Variants in FRYL observed in about 807,000 individuals in gnomAD.
FRYL encodes FRY like transcription coactivator, also known as protein furry homolog-like.
A neutral mutation model predicts 351.2 loss-of-function variants in FRYL; 150 were observed. The ratio of observed to expected loss-of-function variants is 0.43; its 90% CI spans 0.37 to 0.49. The LOEUF is 0.49. FRYL is among the 20% of genes least tolerant of loss of function. FRYL has a pLI of 0.00. For missense variants in FRYL, 3,036 were observed against 3,619.3 expected (o/e 0.84, Z 4.13); for synonymous variants, 1,153 against 1,257.1 (o/e 0.92, Z 1.75).
intron 1 of FRYL, among the ~76,000 whole-genome samples, chr4:48,754,669 T>TTG (rs1773592710): frequency 1.2e-3 from 1 of 810 alleles, no homozygotes; most frequent in African/African-American, 2.3e-3. Context: ...TTTTTTGGGG[T>TTG]TTTTTTTTTT....
Position 48,567,570 on chromosome 4 carries a change from G to A in FRYL, c.2997-150C>T. 1 of 573,302 alleles carries A rather than the reference G, an allele frequency of 1.7e-6. No homozygotes were observed. Among genetic ancestry groups the A allele is most frequent in the Non-Finnish European group, 2.9e-6 (1 of 343,960 alleles). The allele number at this position is 573,302 out of a possible 1,614,324, so 35.5% of individuals were successfully genotyped here. On this transcript the variant is annotated intron_variant, in intron 27 of 63. Coordinates refer to ENST00000358350, the MANE Select transcript of FRYL (RefSeq NM_015030.2). This position sits in a 1 kb window ranked among gnomAD's most constrained non-coding sequence, Gnocchi z 4.2. ...TAATATATGAAAATTAAATGAATAT[G>A]ATTTTGCTTACTTTAATATGAAAAT... is the stretch of plus-strand genomic sequence containing the variant.
At chr4:48,669,895 C>T (rs1437914376) in intron 3 of FRYL, among the ~76,000 whole-genome samples, 1 of 151,556 alleles carries the variant, frequency 6.6e-6, no homozygotes, top group Non-Finnish European at 1.5e-5. Context: ...AAAAAGACAG[C>T]TTTTAAAATA....
intron 1 of FRYL, among the ~76,000 whole-genome samples, chr4:48,772,051 ATTG>A (rs756676199): frequency 4.6e-5 from 7 of 152,202 alleles, no homozygotes; most frequent in Admixed American, 3.3e-4. Context: ...TTGCAAATAA[ATTG>A]TTGTGAGTTC....
intron 19 of FRYL, among the ~76,000 whole-genome samples, chr4:48,583,921 A>G (rs1375885860): frequency 6.6e-6 from 1 of 152,096 alleles, no homozygotes; most frequent in Non-Finnish European, 1.5e-5. Flanking sequence ...AAAAGAAAAA[A>G]AAAAATGTGT....
chr4:48,600,900 A>T (rs796306222), intron 13 of FRYL, among the ~76,000 whole-genome samples: 44 of 152,336 alleles, frequency 2.9e-4, no homozygotes, highest in African/African-American at 1.0e-3. Flanking sequence ...TAAATAGTCA[A>T]ATAAGGCATA....
chr4:48,564,903 A>G (rs376028033), intron 30 of FRYL, 30 bp downstream of exon 30: 11 of 1,209,366 alleles, frequency 9.1e-6, no homozygotes, highest in Non-Finnish European at 1.3e-5. Flanking sequence ...ACAACTTATT[A>G]TGAACCTTTA....
At position 48,540,963 on chromosome 4, in the gene FRYL, T is replaced by TA. The variant is rs756584625; in HGVS notation, c.5688-4dup. 1.9e-5 allele frequency: 29 copies of TA among 1,535,686 alleles called. No individual in the cohort carries two copies. Among genetic ancestry groups the TA allele is most frequent in the Middle Eastern group, 2.0e-4 (1 of 5,124 alleles). On this transcript the variant is annotated splice_polypyrimidine_tract_variant and splice_region_variant and intron_variant, in intron 45 of 63. Transcript: ENST00000358350. ...TTATAGGATCATGATATGAGGTTCT[T>TA]AAAAAAAAGAAAGAATAGATGAATG...
rs1560487922 is a variant in FRYL at position 48,498,559 on chromosome 4, T to TCATAA, written c.*858_*862dup. The TCATAA allele has an allele frequency of 6.6e-6, 1 of 152,648 alleles. No homozygotes were observed. Among genetic ancestry groups the TCATAA allele is most frequent in the Non-Finnish European group, 1.5e-5 (1 of 68,040 alleles). 9.5% of individuals were successfully genotyped at this position (152,648 alleles called of 1,614,324 possible). On this transcript the variant is annotated 3_prime_UTR_variant, in exon 64 of 64. Coordinates refer to ENST00000358350, the MANE Select transcript of FRYL (RefSeq NM_015030.2). ...ATCTACTTTGGTTAGTTATCAACAATCATAACATAAGCACTGATCAGAGAA... is the reference window on the plus strand; with the variant it reads ...ATCTACTTTGGTTAGTTATCAACAATCATAACATAACATAAGCACTGATCAGAGAA...
chr4:48,535,915 ATAATT>A, intron 47 of FRYL, 88 bp from the exon 48 acceptor site: 1 of 1,042,068 alleles, frequency 9.6e-7, no homozygotes, highest in East Asian at 2.9e-5. Flanking sequence ...GCTTAATGAA[ATAATT>A]TAGATGTATA....
intron 32 of FRYL, among the ~76,000 whole-genome samples, chr4:48,562,004 A>G (rs573421407): frequency 1.3e-5 from 2 of 152,308 alleles, no homozygotes; most frequent in South Asian, 4.1e-4. Context: ...TGACAGAGTG[A>G]GACCCTATCT....
rs1032968436 is a variant in FRYL, at chr4:48,582,705, C to T, written c.1778G>A (p.Arg593His). Residue 593 changes from arginine to histidine, a missense_variant, in exon 20 of 64, where the codon CGT becomes CAT. Coordinates refer to ENST00000358350, the MANE Select transcript of FRYL (RefSeq NM_015030.2). ...RLTIHMDEELRALAFNTLQAL... is the reference protein window; with the variant it reads ...RLTIHMDEELHALAFNTLQAL... Reference sequence around the variant, plus strand: ...CTGCAGAGTATTGAAAGCCAGAGCACGCAGTTCTTCATCCATATGAATTGT... The same window carrying T: ...CTGCAGAGTATTGAAAGCCAGAGCATGCAGTTCTTCATCCATATGAATTGT... The T allele has an allele frequency of 3.7e-6, 6 of 1,613,858 alleles. No homozygotes were observed. Among genetic ancestry groups the T allele is most frequent in the African/African-American group, 1.3e-5 (1 of 74,928 alleles).
At chr4:48,728,422 G>A (rs1322796446) in intron 1 of FRYL, among the ~76,000 whole-genome samples, 2 of 151,878 alleles carry the variant, frequency 1.3e-5, no homozygotes, top group Non-Finnish European at 2.9e-5. Context: ...GTGTGAAATG[G>A]GAGTACCAGA....
At chr4:48,515,950 T>C (rs1723498553) in intron 55 of FRYL, among the ~76,000 whole-genome samples, 1 of 152,076 alleles carries the variant, frequency 6.6e-6, no homozygotes, top group African/African-American at 2.4e-5. Flanking sequence ...ACACAGTATA[T>C]TCCGGATATA....
intron 1 of FRYL, among the ~76,000 whole-genome samples, chr4:48,715,227 C>T (rs1768639650): frequency 6.6e-6 from 1 of 151,190 alleles, no homozygotes; most frequent in African/African-American, 2.4e-5. Flanking sequence ...CAGGGATGCC[C>T]TCTCTCACCA....
At chr4:48,523,713 A>G (rs1335610432) in intron 53 of FRYL, among the ~76,000 whole-genome samples, 1 of 152,204 alleles carries the variant, frequency 6.6e-6, no homozygotes, top group Non-Finnish European at 1.5e-5. Context: ...ACTTAAAACA[A>G]CATTTCTATG....
At chr4:48,537,950 C>T (rs1729259579) in intron 47 of FRYL, among the ~76,000 whole-genome samples, 1 of 152,110 alleles carries the variant, frequency 6.6e-6, no homozygotes, top group African/African-American at 2.4e-5. Context: ...ATACACTTTC[C>T]CCCTTATATT....
chr4:48,756,929 C>T (rs141289056), intron 1 of FRYL, among the ~76,000 whole-genome samples: 117 of 152,230 alleles, frequency 7.7e-4, no homozygotes, highest in African/African-American at 2.4e-3. Flanking sequence ...GCCTGGGCTA[C>T]GGAGTGAGAC....
Position 48,613,014 on chromosome 4 carries a change from G to T in FRYL, c.412-3191C>A, listed in dbSNP as rs184710135. Among the ~76,000 whole-genome samples, 22 of 152,230 alleles carry T rather than the reference G, an allele frequency of 1.4e-4. No homozygotes were observed. The East Asian group carries it at 4.3e-3, about 29-fold the overall frequency. The stretch of plus-strand genomic sequence containing the variant: ...AATACAGGCTTAGTATCCCCTATTT[G>T]AAATGCTTGGGACCAGAAGTGTTTT... On this transcript the variant is annotated intron_variant, in intron 7 of 63. Coordinates refer to ENST00000358350, the MANE Select transcript of FRYL (RefSeq NM_015030.2).
intron 13 of FRYL, 66 bp downstream of exon 13, chr4:48,601,954 A>G (rs1440394674): frequency 1.1e-6 from 1 of 912,664 alleles, no homozygotes; most frequent in African/African-American, 1.7e-5. Flanking sequence ...TGCACTGTTC[A>G]ATTTATATGC....
Sources: gnomAD v4.1 joint callset for allele counts (sites outside exome capture counted in the v4.1 genomes callset) on GRCh38, gnomAD v4.1.1 for gene constraint, Gnocchi (gnomAD v3.1) non-coding constraint, MANE v1.5 for transcripts, NCBI Gene and HGNC (gene_info 2026-07-23, HGNC 2026-07-21) for gene names.